Variants in ARHGEF10 observed in about 807,000 individuals in gnomAD.
ARHGEF10 encodes the protein Rho guanine nucleotide exchange factor (GEF) 10.
Under a neutral mutation model 147.4 loss-of-function variants are expected in ARHGEF10, and 140 were observed. The observed-to-expected ratio is 0.95, with a 90% CI of 0.83 to 1.09. The LOEUF is 1.09. Among genes scored for constraint, ARHGEF10 ranks in the 50% least tolerant of loss-of-function variants. ARHGEF10 has a pLI of 0.00. For synonymous variants in ARHGEF10, 902 were observed against 695.8 expected (o/e 1.30, Z -4.67); for missense variants, 2,222 against 1,752.7 (o/e 1.27, Z -4.78).
At chr8:1,907,831 G>T (rs1811023899) in intron 17 of ARHGEF10, among the ~76,000 whole-genome samples, 1 of 152,194 alleles carries the variant, frequency 6.6e-6, no homozygotes, top group Non-Finnish European at 1.5e-5. Context: ...GTGCCCGAAG[G>T]TGATGAGATG....
chr8:1,929,076 A>G (rs530295564), intron 24 of ARHGEF10, among the ~76,000 whole-genome samples: 242 of 147,800 alleles, frequency 1.6e-3, no homozygotes, highest in Non-Finnish European at 3.1e-3. Context: ...AGGAAGAACT[A>G]AGTTTTTTCA....
intron 1 of ARHGEF10, among the ~76,000 whole-genome samples, chr8:1,842,738 C>T (rs1316383389): frequency 2.0e-5 from 3 of 152,242 alleles, no homozygotes; most frequent in Non-Finnish European, 4.4e-5. Context: ...ACTGGCCTTC[C>T]CGGGACTCGC....
rs1160121690 is a variant in ARHGEF10, at chr8:1,909,474, A to G, written c.2143+4A>G. Reference sequence around the variant, plus strand: ...GTGGTTGCTAACGCGAAACCAAGTAAGTGATGCTTTCTCTCACGTTCGTGC... The same window carrying G: ...GTGGTTGCTAACGCGAAACCAAGTAGGTGATGCTTTCTCTCACGTTCGTGC... On this transcript the variant is annotated splice_donor_region_variant and intron_variant, in intron 18 of 28. Transcript: ENST00000349830. 1 of 1,613,790 alleles carries G rather than the reference A, an allele frequency of 6.2e-7. No homozygotes were observed. Among genetic ancestry groups the G allele is most frequent in the Non-Finnish European group, 8.5e-7 (1 of 1,180,008 alleles).
At chr8:1,904,159 A>T (rs1810705629) in intron 16 of ARHGEF10, 1 of 152,208 alleles carries the variant, frequency 6.6e-6, no homozygotes, top group African/African-American at 2.4e-5. Flanking sequence ...AGCTGCATTG[A>T]GCGTGAAAAG....
chr8:1,921,682 C>T (rs1034357663), intron 18 of ARHGEF10, among the ~76,000 whole-genome samples: 1 of 152,054 alleles, frequency 6.6e-6, no homozygotes, highest in Non-Finnish European at 1.5e-5. Context: ...TTGCAGTGAG[C>T]TGAGATCGTG....
At chr8:1,888,129 G>GGTA (rs1808878952) in intron 11 of ARHGEF10, among the ~76,000 whole-genome samples, 1 of 58,708 alleles carries the variant, frequency 1.7e-5, no homozygotes, top group Non-Finnish European at 3.1e-5. Context: ...TGGGGTGAGG[G>GGTA]TTTGCGAGGA....
intron 18 of ARHGEF10, among the ~76,000 whole-genome samples, chr8:1,912,058 CAG>C (rs1455641535): frequency 2.6e-5 from 4 of 152,316 alleles, no homozygotes; most frequent in East Asian, 1.9e-4. Flanking sequence ...TTGATATTGA[CAG>C]AGTGTAGGCA....
intron 27 of ARHGEF10, among the ~76,000 whole-genome samples, 156 bp from the exon 28 acceptor site, chr8:1,952,548 GC>G (rs1023654764): frequency 2.6e-5 from 4 of 152,230 alleles, no homozygotes; most frequent in Non-Finnish European, 4.4e-5. Flanking sequence ...GGTTGAGGGA[GC>G]CTGGTGCTCG....
Position 1,916,844 on chromosome 8 carries a change from A to G in ARHGEF10, c.2144-6120A>G, listed in dbSNP as rs574831933. ...TTAAAGACAGTAAGAATGACCTGTA[A>G]TTCTTGTATCTGGAGACTGTATTAA... On this transcript the variant is annotated intron_variant, in intron 18 of 28. Transcript: ENST00000349830. 4.5e-4 allele frequency among the ~76,000 whole-genome samples: 69 copies of G among 152,308 alleles called. 2 individuals are homozygous for G. The South Asian group carries it at 0.013, about 29-fold the overall frequency.
chr8:1,852,548 A>T (rs1475619006), intron 2 of ARHGEF10, among the ~76,000 whole-genome samples: 1 of 152,010 alleles, frequency 6.6e-6, no homozygotes. Context: ...CATCCTGGAG[A>T]GAACCCGGGA....
intron 25 of ARHGEF10, among the ~76,000 whole-genome samples, chr8:1,930,778 G>A (rs1402497838): frequency 6.6e-6 from 1 of 152,210 alleles, no homozygotes; most frequent in African/African-American, 2.4e-5. Flanking sequence ...TGTGGTTCCG[G>A]CCTGGCCTGT....
chr8:1,833,065 G>C (rs1803322078), intron 1 of ARHGEF10, among the ~76,000 whole-genome samples: 2 of 106,232 alleles, frequency 1.9e-5, no homozygotes, highest in Non-Finnish European at 3.9e-5. Flanking sequence ...GAGAGAGACA[G>C]AGACAGAGGC....
At chr8:1,867,092 T>C (rs1256053197) in intron 6 of ARHGEF10, among the ~76,000 whole-genome samples, 1 of 152,008 alleles carries the variant, frequency 6.6e-6, no homozygotes, top group Admixed American at 6.6e-5. Flanking sequence ...TCGTACAAAT[T>C]TAAATGGGGA....
intron 10 of ARHGEF10, among the ~76,000 whole-genome samples, chr8:1,883,624 G>C (rs1808401985): frequency 6.6e-6 from 1 of 152,214 alleles, no homozygotes; most frequent in South Asian, 2.1e-4. Context: ...TCTCAGACAA[G>C]GTGGGGGTAA....
intron 25 of ARHGEF10, among the ~76,000 whole-genome samples, chr8:1,930,994 C>T (rs1044011488): frequency 6.6e-6 from 1 of 152,264 alleles, no homozygotes; most frequent in East Asian, 1.9e-4. Flanking sequence ...ACCCCCTCTT[C>T]ACTTGGCCTC....
At chr8:1,826,140 G>A in intron 1 of ARHGEF10, 1 of 1,593,108 alleles carries the variant, frequency 6.3e-7, no homozygotes, top group Non-Finnish European at 8.5e-7. Flanking sequence ...TCAGCAGTAA[G>A]AAAAGTCATT....
At chr8:1,930,811 T>A (rs762249165) in intron 25 of ARHGEF10, among the ~76,000 whole-genome samples, 1 of 152,126 alleles carries the variant, frequency 6.6e-6, no homozygotes, top group African/African-American at 2.4e-5. Context: ...CAAGAAGGCC[T>A]GGACTTCTTT....
At chr8:1,836,124 T>C (rs11988975) in intron 1 of ARHGEF10, among the ~76,000 whole-genome samples, 1 of 149,972 alleles carries the variant, frequency 6.7e-6, no homozygotes, top group South Asian at 2.1e-4. Context: ...GAGCTTGCAG[T>C]GAGCCGAGAT....
At chr8:1,932,707 A>T (rs1446790892) in intron 25 of ARHGEF10, among the ~76,000 whole-genome samples, 2 of 152,248 alleles carry the variant, frequency 1.3e-5, no homozygotes, top group African/African-American at 4.8e-5. Flanking sequence ...TTATAACTAA[A>T]AGTATGCCAC....
Sources: gnomAD v4.1 joint callset for allele counts (sites outside exome capture counted in the v4.1 genomes callset) on GRCh38, gnomAD v4.1.1 for gene constraint, MANE v1.5 for transcripts, NCBI Gene and HGNC (gene_info 2026-07-23, HGNC 2026-07-21) for gene names.